The following MTA3 variants were observed in gnomAD, a reference collection of about 807,000 sequenced individuals.
MTA3 encodes metastasis associated 1 family member 3, also known as metastasis-associated protein MTA3.
A neutral mutation model predicts 83.5 loss-of-function variants in MTA3; 34 were observed. The ratio of observed to expected loss-of-function variants is 0.41; its 90% CI spans 0.31 to 0.54. MTA3 has a LOEUF of 0.54. Ranked by LOEUF, MTA3 falls within the 20% of genes least tolerant of loss-of-function variation. The pLI, the probability that MTA3 is intolerant of heterozygous loss-of-function variation, is 0.33. For synonymous variants in MTA3, 303 were observed against 252.7 expected, an observed-to-expected ratio of 1.20 and a Z score of -1.89; for missense variants, 761 against 726.4, an observed-to-expected ratio of 1.05 and a Z score of -0.55.
intron 3 of MTA3, among the ~76,000 whole-genome samples, chr2:42,581,397 TCTTG>T (rs1346054686): frequency 4.0e-5 from 5 of 125,182 alleles, no homozygotes; most frequent in African/African-American, 6.3e-5. Flanking sequence ...GGAGACAGGG[TCTTG>T]CTCTCTTGCC....
chr2:42,642,611 A>G (rs1000811514), intron 5 of MTA3, among the ~76,000 whole-genome samples: 1 of 151,936 alleles, frequency 6.6e-6, no homozygotes, highest in African/African-American at 2.4e-5. Flanking sequence ...TTCTGATTAC[A>G]TAATGATCAT....
At chr2:42,558,548 C>G (rs1172966992) in intron 2 of MTA3, among the ~76,000 whole-genome samples, 1 of 150,638 alleles carries the variant, frequency 6.6e-6, no homozygotes, top group South Asian at 2.1e-4. Context: ...CCACACCCAG[C>G]CTTTAAAAAA....
intron 6 of MTA3, among the ~76,000 whole-genome samples, 162 bp downstream of exon 6, chr2:42,644,406 A>C (rs1687973422): frequency 6.6e-6 from 1 of 152,162 alleles, no homozygotes; most frequent in Non-Finnish European, 1.5e-5. Context: ...TAAATAAATA[A>C]ATAGAGATGA....
intron 16 of MTA3, among the ~76,000 whole-genome samples, chr2:42,727,103 C>A (rs2104553203): frequency 6.6e-6 from 1 of 152,258 alleles, no homozygotes; most frequent in South Asian, 2.1e-4. Context: ...GGGGCTGAGG[C>A]AGAAGCATTG....
At chr2:42,656,397 C>A in intron 7 of MTA3, 95 bp downstream of exon 7, 1 of 661,772 alleles carries the variant, frequency 1.5e-6, no homozygotes, top group Non-Finnish European at 2.4e-6. Context: ...TTCTGCTTTT[C>A]TCCCACTGAT....
At chr2:42,590,165 C>G (rs1387088578) in intron 3 of MTA3, among the ~76,000 whole-genome samples, 1 of 152,116 alleles carries the variant, frequency 6.6e-6, no homozygotes, top group South Asian at 2.1e-4. Context: ...AGCCCTTTTC[C>G]TGCGTGCTGT....
At chr2:42,737,532 T>C (rs1668699684) in intron 16 of MTA3, among the ~76,000 whole-genome samples, 1 of 152,196 alleles carries the variant, frequency 6.6e-6, no homozygotes, top group Non-Finnish European at 1.5e-5. Flanking sequence ...TACCTGATTT[T>C]TGGTTCTTAT....
chr2:42,533,756 C>T (rs1192540179), intron 2 of MTA3, among the ~76,000 whole-genome samples: 9 of 149,284 alleles, frequency 6.0e-5, no homozygotes, highest in Non-Finnish European at 1.2e-4. Context: ...CGCTTGAACC[C>T]AAGAGGCCGA....
chr2:42,697,829 A>G lies in MTA3; in HGVS notation c.1020A>G (p.Pro340=). 1 of 1,530,554 alleles carries G rather than the reference A, an allele frequency of 6.5e-7. No homozygotes were observed. The highest frequency in any genetic ancestry group is 8.8e-7 in the Non-Finnish European group (1 of 1,137,428). The allele number at this position is 1,530,554 out of a possible 1,614,324, so 94.8% of individuals were successfully genotyped here. The change falls in exon 11 of 17, where the codon CCA becomes CCG. Residue 340 remains proline, a synonymous_variant. Coordinates refer to ENST00000405094, the MANE Select transcript of MTA3 (RefSeq NM_001330442.2). The stretch of plus-strand genomic sequence containing the variant: ...GTAAACTGAAACAAGTATATATCCC[A>G]ACCTAGTAAGTAATTGAAATCTTTT... ...AESKLKQVYI[P]TYSKPNPNQI...
intron 8 of MTA3, among the ~76,000 whole-genome samples, chr2:42,681,289 T>G (rs1177593507): frequency 6.6e-6 from 1 of 152,178 alleles, no homozygotes; most frequent in Admixed American, 6.5e-5. Context: ...AATATGTAAT[T>G]TTGTTTTGTT....
At chr2:42,557,688 T>C (rs1369288685) in intron 2 of MTA3, among the ~76,000 whole-genome samples, 2 of 152,218 alleles carry the variant, frequency 1.3e-5, no homozygotes, top group South Asian at 4.1e-4. Context: ...TTTATTTATC[T>C]AGGACTTCGA....
At chr2:42,606,967 A>G (rs1368828625) in intron 3 of MTA3, among the ~76,000 whole-genome samples, 13 of 150,516 alleles carry the variant, frequency 8.6e-5, no homozygotes, top group Admixed American at 1.3e-4. Context: ...CATTCGGCAG[A>G]CTGAGGCAGG....
chr2:42,540,054 CGG>C (rs371982952), intron 2 of MTA3, among the ~76,000 whole-genome samples: 2 of 152,062 alleles, frequency 1.3e-5, no homozygotes, highest in African/African-American at 4.8e-5. Context: ...TTTTAAATAA[CGG>C]GGGAGGGATC....
At chr2:42,711,417 AG>A (rs1666599277) in intron 14 of MTA3, among the ~76,000 whole-genome samples, 1 of 152,370 alleles carries the variant, frequency 6.6e-6, no homozygotes, top group South Asian at 2.1e-4. Context: ...TATAGATTAT[AG>A]TAATCATAAA....
chr2:42,543,004 G>A (rs1486951735), intron 2 of MTA3, among the ~76,000 whole-genome samples: 2 of 151,996 alleles, frequency 1.3e-5, no homozygotes, highest in African/African-American at 4.8e-5. Flanking sequence ...TAAGAGTTTT[G>A]GGGTAGGCAA....
intron 16 of MTA3, chr2:42,723,465 T>TA (rs1178968471): frequency 2.6e-5 from 4 of 155,858 alleles, no homozygotes; most frequent in Non-Finnish European, 4.3e-5. Flanking sequence ...TCTTTTACCT[T>TA]ATAAATGTTT....
intron 3 of MTA3, among the ~76,000 whole-genome samples, chr2:42,587,543 TAGC>T (rs998358709): frequency 2.0e-5 from 3 of 152,124 alleles, no homozygotes; most frequent in Admixed American, 6.6e-5. Context: ...TCAAAAATGG[TAGC>T]AGAATGTTTT....
At chr2:42,631,372 C>T (rs1686657706) in intron 4 of MTA3, among the ~76,000 whole-genome samples, 1 of 152,182 alleles carries the variant, frequency 6.6e-6, no homozygotes, top group African/African-American at 2.4e-5. Flanking sequence ...TATAACCTTT[C>T]CTTTGAATTA....
chr2:42,663,241 C>G (rs189684785), intron 8 of MTA3, among the ~76,000 whole-genome samples: 7 of 152,078 alleles, frequency 4.6e-5, no homozygotes, highest in Non-Finnish European at 7.3e-5. Context: ...GGAGAGTTCT[C>G]GTGGCAGCTG....
Sources: gnomAD v4.1 joint callset for allele counts (sites outside exome capture counted in the v4.1 genomes callset) on GRCh38, gnomAD v4.1.1 for gene constraint, MANE v1.5 for transcripts, NCBI Gene and HGNC (gene_info 2026-07-23, HGNC 2026-07-21) for gene names.